Variants in MAN2A1 observed in about 807,000 individuals in gnomAD.
The protein encoded by MAN2A1 is alpha-mannosidase 2.
A neutral mutation model predicts 142.6 loss-of-function variants in MAN2A1; 76 were observed. That is an observed-to-expected ratio of 0.53 (90% CI 0.44 to 0.65). The LOEUF is 0.65. MAN2A1 is among the 30% of genes least tolerant of loss of function. The pLI, the probability that MAN2A1 is intolerant of heterozygous loss-of-function variation, is 0.00. For missense variants in MAN2A1, 1,311 were observed against 1,365.1 expected (o/e 0.96, Z 0.62); for synonymous variants, 559 against 473.2 (o/e 1.18, Z -2.35).
intron 1 of MAN2A1, among the ~76,000 whole-genome samples, chr5:109,695,384 A>G (rs1004178857): frequency 2.6e-5 from 4 of 152,190 alleles, no homozygotes; most frequent in Non-Finnish European, 5.9e-5. Flanking sequence ...CTGTGGGCAA[A>G]ATAGTGGCTA....
At chr5:109,721,446 G>A (rs1751600408) in intron 3 of MAN2A1, among the ~76,000 whole-genome samples, 1 of 152,080 alleles carries the variant, frequency 6.6e-6, no homozygotes, top group Non-Finnish European at 1.5e-5. Flanking sequence ...GTTTGTGTGT[G>A]TGTGTTTGTA....
At chr5:109,695,109 C>G (rs746876926) in intron 1 of MAN2A1, among the ~76,000 whole-genome samples, 9 of 152,250 alleles carry the variant, frequency 5.9e-5, no homozygotes, top group Non-Finnish European at 1.2e-4. Flanking sequence ...CCCTGTGGGT[C>G]TCTTCCTGAT....
At chr5:109,788,104 A>G (rs1365530522) in intron 10 of MAN2A1, among the ~76,000 whole-genome samples, 2 of 151,766 alleles carry the variant, frequency 1.3e-5, no homozygotes, top group Non-Finnish European at 2.9e-5. Flanking sequence ...TCTGTATTGG[A>G]AAAAATAATA....
chr5:109,779,584 A>ACACACACACACAC (rs1293213572), intron 8 of MAN2A1, among the ~76,000 whole-genome samples: 4 of 50,380 alleles, frequency 7.9e-5, no homozygotes, highest in African/African-American at 2.6e-4. Flanking sequence ...CACACACACA[A>ACACACACACACAC]ACACACACAG....
intron 3 of MAN2A1, among the ~76,000 whole-genome samples, chr5:109,725,566 A>C (rs1436580009): frequency 6.6e-6 from 1 of 152,216 alleles, no homozygotes; most frequent in African/African-American, 2.4e-5. Context: ...TCAGAAGGGC[A>C]GGGCAGGCTC....
chr5:109,704,841 A>G (rs527807761), intron 1 of MAN2A1, among the ~76,000 whole-genome samples: 1 of 152,172 alleles, frequency 6.6e-6, no homozygotes, highest in Non-Finnish European at 1.5e-5. Flanking sequence ...CTGGTGAGCC[A>G]TTTTAAATTA....
At chr5:109,733,974 T>A in intron 4 of MAN2A1, among the ~76,000 whole-genome samples, 1 of 152,202 alleles carries the variant, frequency 6.6e-6, no homozygotes, top group Non-Finnish European at 1.5e-5. Flanking sequence ...AGAATTCGGC[T>A]GTGAATCCAT....
In MAN2A1 at chr5:109,713,571, G is replaced by A; in HGVS notation, c.187G>A (p.Ala63Thr). 1 of 1,613,674 alleles carries A rather than the reference G, an allele frequency of 6.2e-7. No individual in the cohort carries two copies. The highest frequency in any genetic ancestry group is 1.7e-5 in the Admixed American group (1 of 60,016). Residue 63 changes from alanine to threonine, a missense_variant, in exon 2 of 22, where the codon GCT (alanine) becomes ACT (threonine). Physicochemically the swap from Ala to Thr is moderately conservative, Grantham distance 58. This residue lies in a region of MAN2A1 where 409 missense variants were observed against 412.7 expected (regional missense o/e 0.99). Transcript: ENST00000261483. ...EKIDHLERLL[A>T]ENNEIISNIR... Reference sequence around the variant, plus strand: ...AATAGACCATTTGGAGCGTTTGCTAGCTGAGAATAATGAGATCATCTCAAA... The same window carrying A: ...AATAGACCATTTGGAGCGTTTGCTAACTGAGAATAATGAGATCATCTCAAA...
chr5:109,716,282 A>G lies in MAN2A1; in HGVS notation c.535+18A>G, dbSNP rs748221211. ...CGACCCAGGTAAAATTTGCACTTCA[A>G]AAAGACAGGAGGTTATTAAGTTTCT... On this transcript the variant is annotated intron_variant, in intron 3 of 21. Coordinates refer to ENST00000261483, the MANE Select transcript of MAN2A1 (RefSeq NM_002372.4). 6 of 1,593,458 alleles carry G rather than the reference A, an allele frequency of 3.8e-6. No individual in the cohort carries two copies. Among genetic ancestry groups the G allele is most frequent in the African/African-American group, 2.7e-5 (2 of 74,230 alleles).
intron 5 of MAN2A1, among the ~76,000 whole-genome samples, chr5:109,766,662 C>T (rs1486113831): frequency 6.6e-6 from 1 of 151,936 alleles, no homozygotes; most frequent in African/African-American, 2.4e-5. Flanking sequence ...CTTTCATCAT[C>T]TTAGGTAAGG....
chr5:109,722,193 A>G (rs1200977279), intron 3 of MAN2A1, among the ~76,000 whole-genome samples: 1 of 152,236 alleles, frequency 6.6e-6, no homozygotes, highest in Non-Finnish European at 1.5e-5. Flanking sequence ...CTACTTTAGT[A>G]TTATTAACCA....
At chr5:109,760,041 G>A (rs1164094912) in intron 5 of MAN2A1, among the ~76,000 whole-genome samples, 1 of 151,978 alleles carries the variant, frequency 6.6e-6, no homozygotes. Context: ...GAACATGCAG[G>A]TTTGTTACAT....
chr5:109,856,780 TGC>T (rs1491510175), intron 20 of MAN2A1, among the ~76,000 whole-genome samples: 13 of 151,680 alleles, frequency 8.6e-5, no homozygotes, highest in Admixed American at 2.0e-4. Flanking sequence ...GAGGCGTGTG[TGC>T]GTGTGTGTGT....
intron 5 of MAN2A1, among the ~76,000 whole-genome samples, chr5:109,757,092 T>A (rs1051129335): frequency 2.0e-5 from 3 of 152,174 alleles, no homozygotes; most frequent in African/African-American, 4.8e-5. Flanking sequence ...TCTGTATGCT[T>A]TTTCCTTTTG....
At chr5:109,790,316 A>T (rs1468438092) in intron 12 of MAN2A1, among the ~76,000 whole-genome samples, 2 of 151,872 alleles carry the variant, frequency 1.3e-5, no homozygotes, top group African/African-American at 2.4e-5. Context: ...TATTAAAATT[A>T]TTTAAAAATA....
Position 109,734,358 on chromosome 5 carries a change from G to T in MAN2A1, c.707+4845G>T, listed in dbSNP as rs1017158238. 3.9e-3 allele frequency among the ~76,000 whole-genome samples: 575 copies of T among 146,724 alleles called. 5 individuals are homozygous for T. The highest frequency in any genetic ancestry group is 6.4e-3 in the Non-Finnish European group (430 of 66,994). ...TTGATTTTTTTGAAGAGTTTTTTGT[G>T]TCTCTATCTCCTTCAGTTCTGCTCT... On this transcript the variant is annotated intron_variant, in intron 4 of 21. Coordinates refer to ENST00000261483, the MANE Select transcript of MAN2A1 (RefSeq NM_002372.4).
intron 16 of MAN2A1, among the ~76,000 whole-genome samples, chr5:109,824,546 G>T (rs960649060): frequency 1.3e-5 from 2 of 151,950 alleles, no homozygotes; most frequent in African/African-American, 4.8e-5. Flanking sequence ...AATAACCAGG[G>T]TATTTACCAT....
intron 4 of MAN2A1, among the ~76,000 whole-genome samples, chr5:109,738,452 C>T (rs1752171774): frequency 6.6e-6 from 1 of 152,012 alleles, no homozygotes; most frequent in South Asian, 2.1e-4. Flanking sequence ...TATACTACCA[C>T]TCTTTTGTTG....
intron 2 of MAN2A1, among the ~76,000 whole-genome samples, chr5:109,715,238 ATAT>A (rs1751419185): frequency 6.9e-6 from 1 of 145,420 alleles, no homozygotes; most frequent in African/African-American, 2.5e-5. Flanking sequence ...AGGGAGATAA[ATAT>A]TATTGGCTTA....
Sources: allele counts gnomAD v4.1 joint callset (sites outside exome capture counted in the v4.1 genomes callset), GRCh38; gene constraint gnomAD v4.1.1; regional missense constraint gnomAD v4.1.1; transcripts MANE v1.5; gene names NCBI Gene and HGNC (gene_info 2026-07-23, HGNC 2026-07-21).